The following MEGF11 variants were observed in gnomAD, a reference collection of about 807,000 sequenced individuals.
The protein encoded by MEGF11 is multiple epidermal growth factor-like domains protein 11.
MEGF11 carries 126 observed loss-of-function variants against 146.6 expected under a neutral mutation model. That is an observed-to-expected ratio of 0.86 (90% CI 0.74 to 1.00). The LOEUF (loss-of-function observed/expected upper bound fraction) is 1.00, where lower values mean the gene tolerates loss of function less well. MEGF11 is among the 50% of genes least tolerant of loss of function. The pLI, the probability that MEGF11 is intolerant of heterozygous loss-of-function variation, is 0.00. For missense variants in MEGF11, 1,509 were observed against 1,521.2 expected (o/e 0.99, Z 0.13); for synonymous variants, 532 against 583.4 (o/e 0.91, Z 1.27).
intron 1 of MEGF11, among the ~76,000 whole-genome samples, chr15:66,137,994 G>A (rs2088969366): frequency 6.6e-6 from 1 of 152,196 alleles, no homozygotes; most frequent in African/African-American, 2.4e-5. Context: ...CGGAGTTTGA[G>A]GCTACAGTGA....
intron 1 of MEGF11, among the ~76,000 whole-genome samples, chr15:66,188,967 T>C (rs1280045908): frequency 2.0e-5 from 3 of 152,180 alleles, no homozygotes; most frequent in African/African-American, 4.8e-5. Context: ...TCTGTGATGA[T>C]TCTGAGTGGA....
chr15:66,078,650 T>G (rs1375374421), intron 5 of MEGF11, among the ~76,000 whole-genome samples: 1 of 152,174 alleles, frequency 6.6e-6, no homozygotes, highest in Non-Finnish European at 1.5e-5. Context: ...AGTCCCCTCC[T>G]GGAGACCCTG....
At position 66,038,399 on chromosome 15, in the gene MEGF11, G is replaced by T. The variant is rs572321637; in HGVS notation, c.395-55911C>A. 8.5e-5 allele frequency among the ~76,000 whole-genome samples: 13 copies of T among 152,276 alleles called. No homozygotes were observed. The East Asian group carries it at 2.5e-3, about 29-fold the overall frequency. On this transcript the variant is annotated intron_variant, in intron 5 of 25. Transcript: ENST00000395614. Reference sequence around the variant, plus strand: ...CATTTTCTCCTTTATAAAATCGAGGGATGGTTAAGGGAGCGATGCCCTAAA... The same window carrying T: ...CATTTTCTCCTTTATAAAATCGAGGTATGGTTAAGGGAGCGATGCCCTAAA...
chr15:66,085,716 C>A (rs1464997420), intron 5 of MEGF11, among the ~76,000 whole-genome samples: 1 of 152,158 alleles, frequency 6.6e-6, no homozygotes, highest in Non-Finnish European at 1.5e-5. Flanking sequence ...AGAGCCTACC[C>A]AAATGAGAAG....
intron 5 of MEGF11, among the ~76,000 whole-genome samples, chr15:66,069,488 G>A (rs1215523795): frequency 2.6e-5 from 4 of 152,204 alleles, no homozygotes; most frequent in African/African-American, 9.7e-5. Context: ...AGAAGGTACT[G>A]TTAGCTCCAT....
chr15:66,076,089 A>ATG (rs1280647600), intron 5 of MEGF11, among the ~76,000 whole-genome samples: 1 of 152,208 alleles, frequency 6.6e-6, no homozygotes, highest in African/African-American at 2.4e-5. Context: ...GTATGCATAG[A>ATG]TGGACAGATG....
chr15:65,928,891 A>AT (rs1237948061), intron 12 of MEGF11, among the ~76,000 whole-genome samples: 3 of 152,332 alleles, frequency 2.0e-5, no homozygotes, highest in Admixed American at 2.0e-4. Context: ...CACTTTGCAG[A>AT]TTGTAACACA....
At chr15:66,008,445 A>G (rs1199563912) in intron 5 of MEGF11, among the ~76,000 whole-genome samples, 2 of 151,582 alleles carry the variant, frequency 1.3e-5, no homozygotes, top group African/African-American at 2.4e-5. Flanking sequence ...ACACACACAC[A>G]CACACAAAAT....
At chr15:66,136,770 G>A (rs1373392313) in intron 1 of MEGF11, among the ~76,000 whole-genome samples, 1 of 152,198 alleles carries the variant, frequency 6.6e-6, no homozygotes, top group Non-Finnish European at 1.5e-5. Flanking sequence ...GCTCAGGCCT[G>A]TAATCCCAGC....
In MEGF11 at chr15:66,128,373, A is replaced by C. The variant is rs2140961891; in HGVS notation, c.31T>G (p.Phe11Val). Residue 11 changes from phenylalanine (F) to valine (V), a missense_variant, in exon 2 of 26, where the codon TTC becomes GTC. Physicochemically the swap from Phe to Val is conservative, Grantham distance 50. Coordinates refer to ENST00000395614, the MANE Select transcript of MEGF11 (RefSeq NM_001385028.1). MVLSLTGLIAFSFLQATLALN... is the reference protein window; with the variant it reads MVLSLTGLIAVSFLQATLALN... ...GCAAGGGTGGCTTGCAGGAAGGAGAAGGCAATGAGCCCCGTCAGGGAGAGC... is the reference window on the plus strand; with the variant it reads ...GCAAGGGTGGCTTGCAGGAAGGAGACGGCAATGAGCCCCGTCAGGGAGAGC... The C allele has an allele frequency of 1.3e-6, 2 of 1,524,010 alleles. No individual in the cohort carries two copies. Among genetic ancestry groups the C allele is most frequent in the East Asian group, 5.2e-5 (2 of 38,170 alleles). 94.4% of individuals were successfully genotyped at this position (1,524,010 alleles called of 1,614,324 possible). A position where few individuals can be genotyped will look rare whatever the true frequency, so the allele number is the denominator to read the frequency against.
At chr15:66,177,024 T>C (rs1053604082) in intron 1 of MEGF11, among the ~76,000 whole-genome samples, 1 of 152,146 alleles carries the variant, frequency 6.6e-6, no homozygotes, top group African/African-American at 2.4e-5. Context: ...CTTTCAAGGA[T>C]ACTACACCTT....
chr15:65,898,167 T>C, intron 25 of MEGF11, 73 bp from the exon 26 acceptor site: 1 of 1,510,222 alleles, frequency 6.6e-7, no homozygotes. Context: ...GGAAGAGAGT[T>C]CTACTTAACT....
intron 5 of MEGF11, among the ~76,000 whole-genome samples, chr15:66,006,338 C>T (rs895392581): frequency 2.0e-5 from 3 of 152,208 alleles, no homozygotes; most frequent in African/African-American, 7.2e-5. Flanking sequence ...CCCTGAGTTC[C>T]CTGAGCCTGC....
At chr15:65,904,986 G>A (rs778256241) in intron 24 of MEGF11, among the ~76,000 whole-genome samples, 3 of 152,136 alleles carry the variant, frequency 2.0e-5, no homozygotes, top group African/African-American at 4.8e-5. Context: ...TTTGCCTCCC[G>A]GCTTCAAGCA....
intron 5 of MEGF11, among the ~76,000 whole-genome samples, chr15:66,077,666 T>C (rs1158973790): frequency 6.6e-6 from 1 of 152,066 alleles, no homozygotes; most frequent in Non-Finnish European, 1.5e-5. Flanking sequence ...AAGACGTGGG[T>C]CCTGCATGAA....
chr15:66,080,769 G>T (rs2085814195), intron 5 of MEGF11, among the ~76,000 whole-genome samples: 1 of 152,204 alleles, frequency 6.6e-6, no homozygotes, highest in Admixed American at 6.5e-5. Context: ...TACGTACACA[G>T]CTCCCTTCTG....
At chr15:66,025,739 C>G (rs967718602) in intron 5 of MEGF11, among the ~76,000 whole-genome samples, 1 of 152,146 alleles carries the variant, frequency 6.6e-6, no homozygotes, top group African/African-American at 2.4e-5. Context: ...TTCAGCCCCC[C>G]GCCGAGGCTG....
chr15:66,170,258 C>T (rs960316552), intron 1 of MEGF11, among the ~76,000 whole-genome samples: 9 of 152,314 alleles, frequency 5.9e-5, no homozygotes, highest in Admixed American at 3.9e-4. Context: ...TTCCTGACAC[C>T]GCTCAGCCTG....
At chr15:66,080,856 C>G (rs771900441) in intron 5 of MEGF11, among the ~76,000 whole-genome samples, 5 of 152,222 alleles carry the variant, frequency 3.3e-5, no homozygotes, top group Non-Finnish European at 7.3e-5. Flanking sequence ...CACAGGCACA[C>G]CAGATGCCGG....
Sources: gnomAD v4.1 joint callset for allele counts (sites outside exome capture counted in the v4.1 genomes callset) on GRCh38, gnomAD v4.1.1 for gene constraint, MANE v1.5 for transcripts, NCBI Gene and HGNC (gene_info 2026-07-23, HGNC 2026-07-21) for gene names.